DTNA: variants seen among roughly 807,000 people sequenced by gnomAD.
DTNA encodes dystrobrevin alpha.
A neutral mutation model predicts 100.7 loss-of-function variants in DTNA; 43 were observed. That is an observed-to-expected ratio of 0.43 (90% CI 0.33 to 0.55). The LOEUF (loss-of-function observed/expected upper bound fraction) is 0.55, where lower values mean the gene tolerates loss of function less well. DTNA is among the 20% of genes least tolerant of loss of function. The probability of loss-of-function intolerance (pLI) is 0.04; values close to 1 mark genes in which losing one functional copy is unlikely to be tolerated. For synonymous variants in DTNA, 349 were observed against 347.9 expected (o/e 1.00, Z -0.04); for missense variants, 798 against 953.9 (o/e 0.84, Z 2.15).
chr18:34,588,686 AGTGTGTGT>A (rs145242890), intron 1 of DTNA, among the ~76,000 whole-genome samples: 1 of 149,556 alleles, frequency 6.7e-6, no homozygotes, highest in African/African-American at 2.5e-5. Flanking sequence ...TGAATATTAT[AGTGTGTGT>A]GTGTGTGTGT....
intron 3 of DTNA, among the ~76,000 whole-genome samples, chr18:34,790,567 ATTTTTTTTTTTTT>A (rs1212453384): frequency 0.011 from 415 of 39,248 alleles, 8 homozygotes; most frequent in African/African-American, 0.033. Flanking sequence ...ATATATATAT[ATTTTTTTTTTTTT>A]TTTTTTTTTG....
chr18:34,868,916 G>T (rs1192405551), intron 17 of DTNA: 1 of 360,208 alleles, frequency 2.8e-6, no homozygotes, highest in Non-Finnish European at 3.9e-6. Flanking sequence ...GGCAGCTGGG[G>T]TATAATTGCA....
chr18:34,630,296 C>T (rs902706999), intron 1 of DTNA, among the ~76,000 whole-genome samples: 20 of 152,126 alleles, frequency 1.3e-4, no homozygotes, highest in Admixed American at 6.6e-5. Flanking sequence ...GGCAGCCCAC[C>T]GCCCAGCCAC....
chr18:34,624,886 CAG>C (rs1307252277), intron 1 of DTNA, among the ~76,000 whole-genome samples: 2 of 152,080 alleles, frequency 1.3e-5, no homozygotes, highest in African/African-American at 2.4e-5. Flanking sequence ...TTTTTTGAGA[CAG>C]AGTCTCACTC....
intron 1 of DTNA, among the ~76,000 whole-genome samples, chr18:34,669,572 C>T (rs989761878): frequency 1.3e-5 from 2 of 152,112 alleles, no homozygotes; most frequent in African/African-American, 4.8e-5. Flanking sequence ...TAACAGTTGT[C>T]CCTTTCCATG....
chr18:34,726,261 TAAAAAG>T (rs1016380452), intron 1 of DTNA, among the ~76,000 whole-genome samples: 2 of 151,890 alleles, frequency 1.3e-5, no homozygotes, highest in African/African-American at 4.8e-5. Context: ...TAAAAAAAAA[TAAAAAG>T]AAAGATTTGG....
chr18:34,519,797 A>G (rs1326697899), intron 1 of DTNA, among the ~76,000 whole-genome samples: 1 of 152,214 alleles, frequency 6.6e-6, no homozygotes, highest in African/African-American at 2.4e-5. Context: ...CTTGTAAATC[A>G]CGAAGATAAT....
At position 34,749,614 on chromosome 18, in the gene DTNA, A is replaced by C. The variant is rs2148017224; in HGVS notation, c.-1-6362A>C. On this transcript the variant is annotated intron_variant, in intron 1 of 22. Coordinates refer to ENST00000444659, the MANE Select transcript of DTNA (RefSeq NM_001386795.1). ...CCCATCTAGCTGGTCGCTACACTAA[A>C]GTAGTGAGCTCATGCACCTCTCTCC... Among the ~76,000 whole-genome samples the C allele has an allele frequency of 2.0e-5, 3 of 150,002 alleles. No homozygotes were observed. In the East Asian group the frequency reaches 5.9e-4, roughly 29 times the overall value.
intron 19 of DTNA, among the ~76,000 whole-genome samples, 170 bp from the exon 20 acceptor site, chr18:34,879,381 A>G (rs2096850115): frequency 6.6e-6 from 1 of 152,204 alleles, no homozygotes; most frequent in Non-Finnish European, 1.5e-5. Context: ...ATAGTAATTC[A>G]TGTCAATATC....
intron 1 of DTNA, among the ~76,000 whole-genome samples, chr18:34,532,820 AT>A (rs1367448258): frequency 6.6e-6 from 1 of 151,880 alleles, no homozygotes; most frequent in African/African-American, 2.4e-5. Context: ...ATTAGAAGCC[AT>A]GTGGTCAGGG....
chr18:34,620,581 C>G (rs1288149390), intron 1 of DTNA, among the ~76,000 whole-genome samples: 2 of 152,104 alleles, frequency 1.3e-5, no homozygotes, highest in African/African-American at 4.8e-5. Context: ...ATACAGGAAG[C>G]TTAGTGGCTT....
intron 17 of DTNA, chr18:34,867,897 G>A (rs1471250967): frequency 1.4e-5 from 14 of 985,264 alleles, no homozygotes; most frequent in Non-Finnish European, 1.7e-5. Context: ...GGTACCCAAG[G>A]ACCAGGGCCC....
At chr18:34,729,012 C>G (rs2087429155) in intron 1 of DTNA, among the ~76,000 whole-genome samples, 1 of 151,930 alleles carries the variant, frequency 6.6e-6, no homozygotes, top group Non-Finnish European at 1.5e-5. Context: ...AAGGAAAACA[C>G]AGGCAGCCCC....
intron 1 of DTNA, among the ~76,000 whole-genome samples, chr18:34,608,272 C>T (rs990067838): frequency 1.3e-5 from 2 of 152,146 alleles, no homozygotes; most frequent in East Asian, 1.9e-4. Context: ...TTTGCTATCA[C>T]GGTCAGGAGT....
intron 1 of DTNA, among the ~76,000 whole-genome samples, chr18:34,671,343 C>G (rs1370698193): frequency 6.6e-6 from 1 of 152,156 alleles, no homozygotes; most frequent in East Asian, 1.9e-4. Context: ...ATTTGCTTGG[C>G]TGGGAAGGGG....
chr18:34,652,301 T>C (rs1361190175), intron 1 of DTNA, among the ~76,000 whole-genome samples: 1 of 152,048 alleles, frequency 6.6e-6, no homozygotes, highest in African/African-American at 2.4e-5. Context: ...CTGAAAGAAA[T>C]TCAGCATGAG....
chr18:34,714,904 G>A (rs556706843), intron 1 of DTNA, among the ~76,000 whole-genome samples: 34 of 152,232 alleles, frequency 2.2e-4, no homozygotes, highest in African/African-American at 6.3e-4. Context: ...CATGTCCTTT[G>A]TAGGGACATG....
Position 34,890,601 on chromosome 18 carries a change from G to A in DTNA, c.*2867G>A. 2.2e-5 allele frequency: 24 copies of A among 1,093,460 alleles called. No homozygotes were observed. Among genetic ancestry groups the A allele is most frequent in the Non-Finnish European group, 3.0e-5 (24 of 787,774 alleles). 67.7% of individuals were successfully genotyped at this position (1,093,460 alleles called of 1,614,324 possible). ...CTAACACAGCCAACCCTCCTCCACA[G>A]CGCCATATTAATGGAGGAGGGGAGG... is the stretch of plus-strand genomic sequence containing the variant. On this transcript the variant is annotated 3_prime_UTR_variant, in exon 23 of 23. Transcript: ENST00000444659.
chr18:34,587,232 T>C (rs564529507), intron 1 of DTNA, among the ~76,000 whole-genome samples: 57 of 152,138 alleles, frequency 3.7e-4, no homozygotes, highest in African/African-American at 1.3e-3. Flanking sequence ...ATAACCCATA[T>C]GTTTTGCAAG....
Sources: allele counts gnomAD v4.1 joint callset (sites outside exome capture counted in the v4.1 genomes callset), GRCh38; gene constraint gnomAD v4.1.1; transcripts MANE v1.5; gene names NCBI Gene and HGNC (gene_info 2026-07-23, HGNC 2026-07-21).